FBXL17: variants seen among roughly 807,000 people sequenced by gnomAD.
The protein encoded by FBXL17 is F-box and leucine rich repeat protein 17.
In FBXL17, 22 loss-of-function variants were observed where a neutral mutation model predicts 66.2. The ratio of observed to expected loss-of-function variants is 0.33; its 90% CI spans 0.24 to 0.47. The LOEUF is 0.47. Among genes scored for constraint, FBXL17 ranks in the 20% least tolerant of loss-of-function variants. The probability of loss-of-function intolerance (pLI) is 1.00; values close to 1 mark genes in which losing one functional copy is unlikely to be tolerated. For missense variants in FBXL17, 878 were observed against 948.2 expected, an observed-to-expected ratio of 0.93 and a Z score of 0.97; for synonymous variants, 474 against 400.5, an observed-to-expected ratio of 1.18 and a Z score of -2.19.
chr5:108,081,829 C>T (rs1748781552), intron 6 of FBXL17, among the ~76,000 whole-genome samples: 1 of 152,074 alleles, frequency 6.6e-6, no homozygotes, highest in Non-Finnish European at 1.5e-5. Context: ...CAAGTCATTC[C>T]TCCAGCCCCA....
intron 5 of FBXL17, among the ~76,000 whole-genome samples, chr5:108,218,098 C>A (rs185816615): frequency 6.7e-6 from 1 of 149,894 alleles, no homozygotes; most frequent in Non-Finnish European, 1.5e-5. Context: ...CTCCACCTCC[C>A]GGGTTCACGC....
chr5:108,186,706 T>C (rs1244360204), intron 5 of FBXL17, among the ~76,000 whole-genome samples: 3 of 151,574 alleles, frequency 2.0e-5, no homozygotes, highest in Admixed American at 6.6e-5. Context: ...GAGGCAGAGG[T>C]TGCAGTGAGC....
At chr5:107,932,244 G>T in intron 7 of FBXL17, among the ~76,000 whole-genome samples, 1 of 152,070 alleles carries the variant, frequency 6.6e-6, no homozygotes, top group East Asian at 1.9e-4. Flanking sequence ...TGAATAGAAA[G>T]TTTATTTTAT....
chr5:108,059,667 G>A (rs1478671757), intron 6 of FBXL17, among the ~76,000 whole-genome samples: 3 of 152,182 alleles, frequency 2.0e-5, no homozygotes, highest in Non-Finnish European at 4.4e-5. Flanking sequence ...ATCGTCAGAA[G>A]ACAATTTTGA....
intron 6 of FBXL17, 118 bp downstream of exon 6, chr5:108,185,996 TAAC>T: frequency 1.3e-6 from 1 of 758,944 alleles, no homozygotes. Context: ...AACTTAAACA[TAAC>T]AATTTGAAAA....
intron 6 of FBXL17, among the ~76,000 whole-genome samples, chr5:108,160,005 A>C (rs1752145657): frequency 1.0e-5 from 1 of 96,310 alleles, no homozygotes; most frequent in African/African-American, 5.1e-5. Flanking sequence ...GATTACATAG[A>C]TATCCCTGTC....
chr5:108,321,365 C>T (rs958262928), intron 4 of FBXL17, among the ~76,000 whole-genome samples: 19 of 151,582 alleles, frequency 1.3e-4, no homozygotes, highest in African/African-American at 4.1e-4. Flanking sequence ...GTAGAGAAAA[C>T]GACTTCTTTC....
At chr5:108,313,140 T>C (rs1304073212) in intron 4 of FBXL17, among the ~76,000 whole-genome samples, 1 of 152,226 alleles carries the variant, frequency 6.6e-6, no homozygotes, top group Non-Finnish European at 1.5e-5. Flanking sequence ...AACATACTTA[T>C]AAGAAGAGAT....
chr5:108,208,491 A>C (rs1212404691), intron 5 of FBXL17, among the ~76,000 whole-genome samples: 1 of 152,138 alleles, frequency 6.6e-6, no homozygotes, highest in East Asian at 1.9e-4. Flanking sequence ...TTTTTGTATA[A>C]GGTGTAAGCA....
intron 4 of FBXL17, among the ~76,000 whole-genome samples, chr5:108,321,478 G>C (rs1487772740): frequency 6.6e-6 from 1 of 151,808 alleles, no homozygotes; most frequent in East Asian, 1.9e-4. Context: ...AATGGCCACT[G>C]ATTTATAGAA....
At chr5:107,873,118 C>T (rs1387217927) in intron 8 of FBXL17, among the ~76,000 whole-genome samples, 3 of 152,326 alleles carry the variant, frequency 2.0e-5, no homozygotes, top group East Asian at 3.9e-4. Flanking sequence ...CCTGGACAAT[C>T]CTTTTCAGAA....
rs188842309 is a variant in FBXL17, at chr5:108,034,775, A to G, written c.1746-13774T>C. 3.0e-3 allele frequency among the ~76,000 whole-genome samples: 459 copies of G among 152,308 alleles called. 2 individuals carry two copies. Among genetic ancestry groups the G allele is most frequent in the African/African-American group, 0.01 (429 of 41,588 alleles). ...CCACTGAGAAATAACTGCAAAGTTA[A>G]AAACTGTATCAAAGCTTTTAAAAGT... is the stretch of plus-strand genomic sequence containing the variant. On this transcript the variant is annotated intron_variant, in intron 6 of 8. Coordinates refer to ENST00000542267, the MANE Select transcript of FBXL17 (RefSeq NM_001163315.3).
At chr5:108,095,352 C>A (rs1749328238) in intron 6 of FBXL17, among the ~76,000 whole-genome samples, 1 of 151,878 alleles carries the variant, frequency 6.6e-6, no homozygotes, top group Non-Finnish European at 1.5e-5. Flanking sequence ...ATTTATTTAA[C>A]CTTTACCATA....
At chr5:108,312,462 G>C (rs984237179) in intron 4 of FBXL17, among the ~76,000 whole-genome samples, 2 of 152,050 alleles carry the variant, frequency 1.3e-5, no homozygotes, top group African/African-American at 4.8e-5. Context: ...AGTAGGGAGA[G>C]TAATTTCACA....
intron 7 of FBXL17, among the ~76,000 whole-genome samples, chr5:107,975,317 A>G (rs186818059): frequency 1.3e-5 from 2 of 152,238 alleles, no homozygotes; most frequent in Admixed American, 6.5e-5. Context: ...CTGGAAATTG[A>G]CTTCTCTACA....
intron 4 of FBXL17, among the ~76,000 whole-genome samples, chr5:108,316,388 TTC>T (rs1561525026): frequency 6.6e-6 from 1 of 151,452 alleles, no homozygotes; most frequent in African/African-American, 2.4e-5. Flanking sequence ...TATAAATTAC[TTC>T]TGTTCTAGAT....
chr5:107,954,234 G>C (rs1414444333), intron 7 of FBXL17, among the ~76,000 whole-genome samples: 1 of 152,148 alleles, frequency 6.6e-6, no homozygotes, highest in East Asian at 1.9e-4. Flanking sequence ...TATGAGAAAA[G>C]TTATGCACAA....
chr5:108,330,945 C>T (rs1231107381), intron 4 of FBXL17, among the ~76,000 whole-genome samples: 1 of 152,076 alleles, frequency 6.6e-6, no homozygotes, highest in Non-Finnish European at 1.5e-5. Context: ...CCCAGCTACT[C>T]AGGAGGCTGA....
intron 4 of FBXL17, among the ~76,000 whole-genome samples, chr5:108,230,930 A>G (rs950343829): frequency 7.1e-6 from 1 of 141,682 alleles, no homozygotes; most frequent in African/African-American, 2.6e-5. Flanking sequence ...CTGTACTCCA[A>G]TAAGTTATGG....
Sources: allele counts gnomAD v4.1 joint callset (sites outside exome capture counted in the v4.1 genomes callset), GRCh38; gene constraint gnomAD v4.1.1; transcripts MANE v1.5; gene names NCBI Gene and HGNC (gene_info 2026-07-23, HGNC 2026-07-21).